The following SMAD5 variants were observed in gnomAD, a reference collection of about 807,000 sequenced individuals.
SMAD5 encodes the protein MAD, mothers against decapentaplegic homolog 5.
SMAD5 carries 9 observed loss-of-function variants against 43.1 expected under a neutral mutation model. The observed-to-expected ratio is 0.21, with a 90% confidence interval of 0.13 to 0.36. SMAD5 has a LOEUF of 0.36. Among genes scored for constraint, SMAD5 ranks in the 10% least tolerant of loss-of-function variants. The pLI, the probability that SMAD5 is intolerant of heterozygous loss-of-function variation, is 1.00. For synonymous variants in SMAD5, 190 were observed against 192.4 expected (o/e 0.99, Z 0.10); for missense variants, 348 against 574.0 (o/e 0.61, Z 4.02).
Position 136,154,085 on chromosome 5 carries a change from A to G in SMAD5, c.325A>G (p.Ile109Val). Residue 109 changes from isoleucine to valine, a missense_variant, in exon 3 of 8, where the codon ATT becomes GTT. By Grantham distance (29) the Ile-to-Val change is conservative (BLOSUM62 3). Around this residue, in one of 5 missense-constraint regions of SMAD5, gnomAD observed 27 missense variants for 53.9 expected, o/e 0.50. Coordinates refer to ENST00000545279, the MANE Select transcript of SMAD5 (RefSeq NM_005903.7). ...TCATCATGAGCTAAAGCCGTTGGAT[A>G]TTTGTGAATTTCCTTTTGGATCTAA... ...QSHHELKPLDICEFPFGSKQK... is the reference protein window; with the variant it reads ...QSHHELKPLDVCEFPFGSKQK... 6.3e-7 allele frequency: 1 copy of G among 1,596,682 alleles called. No homozygotes were observed. The highest frequency in any genetic ancestry group is 8.5e-7 in the Non-Finnish European group (1 of 1,171,220).
At chr5:136,155,811 C>T (rs1753615894) in intron 3 of SMAD5, among the ~76,000 whole-genome samples, 3 of 152,166 alleles carry the variant, frequency 2.0e-5, no homozygotes, top group Non-Finnish European at 4.4e-5. Flanking sequence ...TCCTCTATTT[C>T]ATTCATTACT....
chr5:136,177,697 GAGTA>G lies in SMAD5; in HGVS notation c.*222_*225del. 2.2e-6 allele frequency: 1 copy of G among 452,618 alleles called. No individual in the cohort carries two copies. The highest frequency in any genetic ancestry group is 4.1e-5 in the South Asian group (1 of 24,284). The allele number at this position is 452,618 out of a possible 1,614,324, so 28.0% of individuals were successfully genotyped here. On this transcript the variant is annotated 3_prime_UTR_variant, in exon 8 of 8. Coordinates refer to ENST00000545279, the MANE Select transcript of SMAD5 (RefSeq NM_005903.7). ...TCTTAGAAGTGTTGTAAAAGATGCA[GAGTA>G]AGTATTATGCCCCAGTTCAGAAATT...
chr5:136,177,024 T>C (rs776195779), intron 7 of SMAD5, among the ~76,000 whole-genome samples: 9 of 152,186 alleles, frequency 5.9e-5, no homozygotes, highest in East Asian at 3.8e-4. Context: ...ATCAGAAATA[T>C]TTGTTTTAAT....
intron 3 of SMAD5, among the ~76,000 whole-genome samples, chr5:136,158,241 A>G (rs1753706258): frequency 6.6e-6 from 1 of 152,240 alleles, no homozygotes; most frequent in East Asian, 1.9e-4. Context: ...AAAGCCCCAC[A>G]TGAAATTTTT....
chr5:136,143,590 C>T (rs2149761779), intron 1 of SMAD5, among the ~76,000 whole-genome samples: 1 of 152,054 alleles, frequency 6.6e-6, no homozygotes, highest in East Asian at 1.9e-4. Flanking sequence ...GCCTCCCTTC[C>T]TCATTTGGCT....
intron 3 of SMAD5, among the ~76,000 whole-genome samples, chr5:136,159,326 T>A (rs1354033820): frequency 2.6e-5 from 4 of 152,156 alleles, no homozygotes; most frequent in Non-Finnish European, 5.9e-5. Context: ...AAAGTAAATG[T>A]TATAAGAGAT....
chr5:136,169,742 A>G (rs895849571), intron 5 of SMAD5, among the ~76,000 whole-genome samples: 2 of 152,212 alleles, frequency 1.3e-5, no homozygotes, highest in Admixed American at 6.5e-5. Flanking sequence ...CCAACTATGA[A>G]TGAGAATTCC....
At chr5:136,151,252 A>G (rs1464937833) in intron 2 of SMAD5, among the ~76,000 whole-genome samples, 1 of 152,098 alleles carries the variant, frequency 6.6e-6, no homozygotes, top group Non-Finnish European at 1.5e-5. Flanking sequence ...AAAGTTGATA[A>G]TGTAATATCA....
chr5:136,177,716 G>T lies in SMAD5; in HGVS notation c.*236G>T. The T allele has an allele frequency of 5.1e-6, 2 of 389,700 alleles. No individual in the cohort carries two copies. The highest frequency in any genetic ancestry group is 9.1e-6 in the Non-Finnish European group (2 of 220,256). The allele number at this position is 389,700 out of a possible 1,614,324, so 24.1% of individuals were successfully genotyped here. On this transcript the variant is annotated 3_prime_UTR_variant, in exon 8 of 8. Transcript: ENST00000545279. ...GATGCAGAGTAAGTATTATGCCCCA[G>T]TTCAGAAATTTGGCATTGATCTTAA...
At chr5:136,162,935 G>A (rs1381765115) in intron 4 of SMAD5, among the ~76,000 whole-genome samples, 2 of 152,316 alleles carry the variant, frequency 1.3e-5, no homozygotes, top group African/African-American at 4.8e-5. Context: ...CTGTACTTCA[G>A]ATTGATATGT....
At chr5:136,156,841 A>G (rs1753654602) in intron 3 of SMAD5, among the ~76,000 whole-genome samples, 1 of 152,152 alleles carries the variant, frequency 6.6e-6, no homozygotes, top group African/African-American at 2.4e-5. Flanking sequence ...ATAACGGAAA[A>G]TTTCATGTCT....
intron 1 of SMAD5, among the ~76,000 whole-genome samples, chr5:136,143,026 C>T (rs917798250): frequency 6.6e-6 from 1 of 152,076 alleles, no homozygotes. Context: ...CAATTCATCT[C>T]TCCAATTCAT....
At chr5:136,175,960 A>G (rs1318266648) in intron 7 of SMAD5, among the ~76,000 whole-genome samples, 1 of 152,178 alleles carries the variant, frequency 6.6e-6, no homozygotes, top group Admixed American at 6.5e-5. Flanking sequence ...CAGGAAAATA[A>G]AAGTGAAAAA....
intron 5 of SMAD5, among the ~76,000 whole-genome samples, chr5:136,166,551 C>T (rs879406728): frequency 6.6e-5 from 10 of 152,124 alleles, no homozygotes; most frequent in Admixed American, 2.0e-4. Context: ...ATTCCTGTTT[C>T]TCTACTTATT....
chr5:136,167,470 T>C (rs1754061246), intron 5 of SMAD5, among the ~76,000 whole-genome samples: 1 of 152,118 alleles, frequency 6.6e-6, no homozygotes, highest in South Asian at 2.1e-4. Context: ...TTTTAAAAGT[T>C]AAACTATTCT....
chr5:136,140,884 T>A (rs1753058346), intron 1 of SMAD5, among the ~76,000 whole-genome samples: 2 of 152,068 alleles, frequency 1.3e-5, no homozygotes, highest in Non-Finnish European at 1.5e-5. Context: ...AATATTCTTT[T>A]GGATGAATGA....
intron 1 of SMAD5, among the ~76,000 whole-genome samples, chr5:136,140,005 G>A (rs933393051): frequency 2.4e-4 from 36 of 150,710 alleles, no homozygotes; most frequent in Middle Eastern, 3.6e-3. Context: ...GAGCCACCAC[G>A]CCTGGCCCAG....
In SMAD5 at chr5:136,151,153, A is replaced by G. The variant is rs74637601; in HGVS notation, c.-169-2439A>G. Among the ~76,000 whole-genome samples, 1,493 of 152,054 alleles carry G rather than the reference A, an allele frequency of 9.8e-3. 66 individuals are homozygous for G. The highest frequency in any genetic ancestry group is 0.077 in the Admixed American group (1,177 of 15,254). On this transcript the variant is annotated intron_variant, in intron 2 of 7. Coordinates refer to ENST00000545279, the MANE Select transcript of SMAD5 (RefSeq NM_005903.7). ...CTCATTTATTTGATAAATGGACACTATTCTAGGTCCAGGGCATCCAGTGGT... is the reference window on the plus strand; with the variant it reads ...CTCATTTATTTGATAAATGGACACTGTTCTAGGTCCAGGGCATCCAGTGGT...
intron 5 of SMAD5, among the ~76,000 whole-genome samples, chr5:136,163,700 A>G (rs1753903118): frequency 6.6e-6 from 1 of 152,156 alleles, no homozygotes; most frequent in African/African-American, 2.4e-5. Flanking sequence ...TGAACATTTT[A>G]TATAATTGGA....
Sources: gnomAD v4.1 joint callset for allele counts (sites outside exome capture counted in the v4.1 genomes callset) on GRCh38, gnomAD v4.1.1 for gene constraint, gnomAD v4.1.1 regional missense constraint, MANE v1.5 for transcripts, NCBI Gene and HGNC (gene_info 2026-07-23, HGNC 2026-07-21) for gene names.